IMMP2L: variants seen among roughly 807,000 people sequenced by gnomAD.
IMMP2L encodes the protein inner mitochondrial membrane peptidase subunit 2, also known as mitochondrial inner membrane protease subunit 2.
Under a neutral mutation model 19.3 loss-of-function variants are expected in IMMP2L, and 18 were observed. The ratio of observed to expected loss-of-function variants is 0.93; its 90% CI spans 0.64 to 1.38. IMMP2L has a LOEUF of 1.38. Ranked by LOEUF, IMMP2L falls within the 40% of genes most tolerant of loss-of-function variation. The probability of loss-of-function intolerance (pLI) is 0.00; values close to 1 mark genes in which losing one functional copy is unlikely to be tolerated. For missense variants in IMMP2L, 233 were observed against 218.2 expected, an observed-to-expected ratio of 1.07 and a Z score of -0.43; for synonymous variants, 76 against 73.0, an observed-to-expected ratio of 1.04 and a Z score of -0.21.
At chr7:110,814,409 C>A (rs1163006148) in intron 5 of IMMP2L, among the ~76,000 whole-genome samples, 4 of 149,192 alleles carry the variant, frequency 2.7e-5, no homozygotes, top group Non-Finnish European at 5.9e-5. Flanking sequence ...ATGTATATGA[C>A]CTTGAGGAAA....
intron 3 of IMMP2L, among the ~76,000 whole-genome samples, chr7:111,415,256 G>C (rs1834854256): frequency 6.6e-6 from 1 of 151,666 alleles, no homozygotes; most frequent in Non-Finnish European, 1.5e-5. Flanking sequence ...GCAAGAAAAT[G>C]TGGACTTCAG....
intron 4 of IMMP2L, among the ~76,000 whole-genome samples, chr7:110,928,913 A>T (rs972473533): frequency 2.1e-4 from 32 of 152,144 alleles, no homozygotes; most frequent in African/African-American, 7.5e-4. Flanking sequence ...GTAGTGACCT[A>T]GCCACAGATT....
intron 4 of IMMP2L, chr7:110,963,085 C>A: frequency 6.6e-7 from 1 of 1,525,718 alleles, no homozygotes; most frequent in East Asian, 2.5e-5. Flanking sequence ...CAGTTTTCTC[C>A]CATCTCTATG....
intron 3 of IMMP2L, among the ~76,000 whole-genome samples, chr7:111,067,263 G>A (rs1794591786): frequency 6.6e-6 from 1 of 152,176 alleles, no homozygotes; most frequent in Non-Finnish European, 1.5e-5. Context: ...CAGTATCAAA[G>A]GAGAGATCAG....
chr7:110,932,376 T>C (rs1030428963), intron 4 of IMMP2L, among the ~76,000 whole-genome samples: 17 of 152,054 alleles, frequency 1.1e-4, no homozygotes, highest in Non-Finnish European at 2.1e-4. Flanking sequence ...TTTTTTGAGA[T>C]GGAGTCTCAC....
chr7:111,048,027 C>T (rs779057477), intron 3 of IMMP2L, among the ~76,000 whole-genome samples: 11 of 151,868 alleles, frequency 7.2e-5, no homozygotes, highest in Non-Finnish European at 1.2e-4. Flanking sequence ...ATCACAAGGT[C>T]AGAAGATTGA....
chr7:110,848,918 G>A (rs1805932265), intron 5 of IMMP2L, among the ~76,000 whole-genome samples: 1 of 152,048 alleles, frequency 6.6e-6, no homozygotes, highest in African/African-American at 2.4e-5. Context: ...AAATTAGTTG[G>A]GAGGAAAGGA....
At chr7:111,173,306 T>C (rs1806658225) in intron 3 of IMMP2L, among the ~76,000 whole-genome samples, 1 of 151,560 alleles carries the variant, frequency 6.6e-6, no homozygotes, top group Admixed American at 6.6e-5. Context: ...AAAAAGTGAT[T>C]TCTTTAAAAA....
At chr7:111,527,163 A>G (rs1473191864) in intron 1 of IMMP2L, among the ~76,000 whole-genome samples, 2 of 152,172 alleles carry the variant, frequency 1.3e-5, no homozygotes, top group South Asian at 4.2e-4. Flanking sequence ...ATGTGTGACA[A>G]GAAGGGGCTT....
At chr7:111,182,781 G>A (rs909203013) in intron 3 of IMMP2L, among the ~76,000 whole-genome samples, 3 of 151,956 alleles carry the variant, frequency 2.0e-5, no homozygotes, top group African/African-American at 7.2e-5. Flanking sequence ...ATGGCACAAT[G>A]TAAGCAGAGA....
rs902572587 is a variant in IMMP2L, at chr7:110,688,091, G to A, written c.409-24370C>T. ...AGAGACGGAAAGGTGAAAGAACACC[G>A]TGGTACCAAACATCTGAGTGAAGAA... On this transcript the variant is annotated intron_variant, in intron 5 of 5. Transcript: ENST00000405709. Among the ~76,000 whole-genome samples, 14 of 151,994 alleles carry A rather than the reference G, an allele frequency of 9.2e-5. No individual in the cohort carries two copies. In the East Asian group the frequency reaches 1.2e-3, roughly 13 times the overall value.
intron 3 of IMMP2L, chr7:111,122,684 C>T: frequency 3.9e-6 from 4 of 1,022,532 alleles, no homozygotes; most frequent in Non-Finnish European, 5.8e-6. Context: ...ATGCAAGCAT[C>T]TTCCTTATCA....
chr7:111,252,949 A>G (rs1816310541), intron 3 of IMMP2L, among the ~76,000 whole-genome samples: 1 of 152,164 alleles, frequency 6.6e-6, no homozygotes, highest in African/African-American at 2.4e-5. Flanking sequence ...TTGTATCTAT[A>G]TCAAATTATT....
At position 111,562,281 on chromosome 7, in the gene IMMP2L, A is replaced by C. The variant is rs1792178762; in HGVS notation, c.-433T>G. On this transcript the variant is annotated 5_prime_UTR_variant, in exon 1 of 6. Transcript: ENST00000405709. ...GCACACATGCTCGCGATCACGCAGG[A>C]CTCGCGGCCGCGCACCCCTCCGCCT... 1.3e-5 allele frequency: 2 copies of C among 152,066 alleles called. No homozygotes were observed. The highest frequency in any genetic ancestry group is 2.4e-5 in the African/African-American group (1 of 41,332). The allele number at this position is 152,066 out of a possible 1,614,324, so 9.4% of individuals were successfully genotyped here. A position where few individuals can be genotyped will look rare whatever the true frequency, so the allele number is the denominator to read the frequency against.
chr7:111,543,293 C>G (rs975507314), intron 1 of IMMP2L, among the ~76,000 whole-genome samples: 2 of 152,086 alleles, frequency 1.3e-5, no homozygotes, highest in African/African-American at 4.8e-5. Flanking sequence ...CATTCATAAC[C>G]ATATTAGTGT....
chr7:111,216,580 A>G (rs539053773), intron 3 of IMMP2L, among the ~76,000 whole-genome samples: 13 of 152,158 alleles, frequency 8.5e-5, no homozygotes, highest in Non-Finnish European at 1.9e-4. Flanking sequence ...TAAAATGTAC[A>G]GTACTCTATT....
At chr7:111,516,099 T>C (rs1468981672) in intron 2 of IMMP2L, among the ~76,000 whole-genome samples, 1 of 152,146 alleles carries the variant, frequency 6.6e-6, no homozygotes, top group East Asian at 1.9e-4. Context: ...TGAGCCTCAG[T>C]TGTTTCAAAT....
intron 3 of IMMP2L, among the ~76,000 whole-genome samples, chr7:111,065,262 G>A (rs1055934230): frequency 2.0e-5 from 3 of 152,102 alleles, no homozygotes; most frequent in Admixed American, 6.5e-5. Flanking sequence ...CAGCATTTAA[G>A]TATTGCTAAC....
chr7:111,010,487 T>C (rs1824823936), intron 3 of IMMP2L, among the ~76,000 whole-genome samples: 1 of 152,092 alleles, frequency 6.6e-6, no homozygotes, highest in Non-Finnish European at 1.5e-5. Context: ...TCCTAACAGG[T>C]ATAAGCAGGC....
Sources: allele counts gnomAD v4.1 joint callset (sites outside exome capture counted in the v4.1 genomes callset), GRCh38; gene constraint gnomAD v4.1.1; transcripts MANE v1.5; gene names NCBI Gene and HGNC (gene_info 2026-07-23, HGNC 2026-07-21).